The following TLE3 variants were observed in gnomAD, a reference collection of about 807,000 sequenced individuals.
TLE3 encodes the protein TLE family member 3, transcriptional corepressor.
Under a neutral mutation model 93.0 loss-of-function variants are expected in TLE3, and 14 were observed. The observed-to-expected ratio is 0.15, with a 90% CI of 0.10 to 0.24. The LOEUF is 0.24. Among genes scored for constraint, TLE3 ranks in the 10% least tolerant of loss-of-function variants. The pLI is 1.00. For synonymous variants in TLE3, 451 were observed against 425.0 expected, an observed-to-expected ratio of 1.06 and a Z score of -0.75; for missense variants, 693 against 1,046.6, an observed-to-expected ratio of 0.66 and a Z score of 4.66.
At chr15:70,088,914 T>C (rs1596010368) in intron 4 of TLE3, among the ~76,000 whole-genome samples, 1 of 135,098 alleles carries the variant, frequency 7.4e-6, no homozygotes, top group East Asian at 2.6e-4. Context: ...GCAGATGGAC[T>C]CAGGCCAGCC....
chr15:70,092,108 T>C (rs2058338289), intron 4 of TLE3, among the ~76,000 whole-genome samples: 1 of 152,186 alleles, frequency 6.6e-6, no homozygotes, highest in Non-Finnish European at 1.5e-5. Context: ...TGTGTGCCGA[T>C]AAAACACCAG....
chr15:70,051,992 G>A (rs1348860961), intron 18 of TLE3, among the ~76,000 whole-genome samples: 1 of 152,218 alleles, frequency 6.6e-6, no homozygotes, highest in African/African-American at 2.4e-5. Context: ...AGGGTGAGAT[G>A]TTCAAGACTG....
chr15:70,051,792 A>G (rs1258729958), intron 18 of TLE3, among the ~76,000 whole-genome samples: 1 of 152,220 alleles, frequency 6.6e-6, no homozygotes, highest in Non-Finnish European at 1.5e-5. Flanking sequence ...CTGGAAGGCA[A>G]CAGGAAATAC....
At position 70,058,864 on chromosome 15, in the gene TLE3, C is replaced by T. The variant is rs532589010; in HGVS notation, c.766-49G>A. 2.9e-5 allele frequency: 43 copies of T among 1,495,938 alleles called. No individual in the cohort carries two copies. In the East Asian group the frequency reaches 9.5e-4, roughly 33 times the overall value. The allele number at this position is 1,495,938 out of a possible 1,614,324, so 92.7% of individuals were successfully genotyped here. A position where few individuals can be genotyped will look rare whatever the true frequency, so the allele number is the denominator to read the frequency against. On this transcript the variant is annotated intron_variant, in intron 10 of 19. Transcript: ENST00000451782. This position sits in a 1 kb window ranked among gnomAD's most constrained non-coding sequence, Gnocchi z 4.1. ...ATGCACTGAAAGCAACAGCCAGCCT[C>T]GAGGCTTCCCTGCTCTGGGAGTGGG...
chr15:70,051,232 T>C, intron 19 of TLE3, 159 bp downstream of exon 19: 1 of 631,160 alleles, frequency 1.6e-6, no homozygotes, highest in Admixed American at 3.3e-5. Context: ...AACCCAATCT[T>C]GCTCCCCTAT....
At chr15:70,064,401 A>AC in intron 8 of TLE3, 53 bp downstream of exon 8, 4 of 1,609,652 alleles carry the variant, frequency 2.5e-6, no homozygotes, top group Non-Finnish European at 2.5e-6. Context: ...CCCGAGTCCC[A>AC]CCTCCTCCCA....
rs568272137 is a variant in TLE3 at position 70,095,744 on chromosome 15, C to A, written c.126-103G>T. 2.9e-6 allele frequency: 4 copies of A among 1,397,800 alleles called. No homozygotes were observed. The South Asian group carries it at 4.2e-5, about 15-fold the overall frequency. 86.6% of individuals were successfully genotyped at this position (1,397,800 alleles called of 1,614,324 possible). A position where few individuals can be genotyped will look rare whatever the true frequency, so the allele number is the denominator to read the frequency against. ...AGCCACTTTTCCACTTTCCTGACACCCCCCCGGGGGCGCCCCCATTATCCC... is the reference window on the plus strand; with the variant it reads ...AGCCACTTTTCCACTTTCCTGACACACCCCCGGGGGCGCCCCCATTATCCC... On this transcript the variant is annotated intron_variant, in intron 2 of 19. Coordinates refer to ENST00000451782, the MANE Select transcript of TLE3 (RefSeq NM_001105192.3).
At chr15:70,056,098 G>A (rs2055996038) in intron 14 of TLE3, 200 bp downstream of exon 14, 2 of 650,866 alleles carry the variant, frequency 3.1e-6, no homozygotes, top group South Asian at 3.5e-5. Context: ...TTCTGTGGGT[G>A]CTCAGAAGTG....
In TLE3 at chr15:70,049,867, G is replaced by C. The variant is rs949134605; in HGVS notation, c.*230C>G. ...GTAGCAACTGCCAGCATTGTTCAGG[G>C]GGAGGAGGAGGAGCAGAACCCTTCC... On this transcript the variant is annotated 3_prime_UTR_variant, in exon 20 of 20. Coordinates refer to ENST00000451782, the MANE Select transcript of TLE3 (RefSeq NM_001105192.3). 1 of 479,238 alleles carries C rather than the reference G, an allele frequency of 2.1e-6. No individual in the cohort carries two copies. The highest frequency in any genetic ancestry group is 1.9e-5 in the African/African-American group (1 of 51,674). The allele number at this position is 479,238 out of a possible 1,614,324, so 29.7% of individuals were successfully genotyped here.
intron 17 of TLE3, 139 bp from the exon 18 acceptor site, chr15:70,052,663 G>A (rs1274296290): frequency 1.1e-6 from 1 of 898,682 alleles, no homozygotes; most frequent in Admixed American, 3.2e-5. Flanking sequence ...GAGTATGGGA[G>A]GTCATTTTCC....
chr15:70,058,478 G>T lies in TLE3; in HGVS notation c.918+185C>A. On this transcript the variant is annotated intron_variant, in intron 11 of 19. Transcript: ENST00000451782. The surrounding 1 kb of genome is among the most constrained non-coding windows in gnomAD (Gnocchi z 4.1). ...CTGGGGTGATCACTCCCATTTTACA[G>T]ACGTAGCAACCGAGGCTCAGAAACG... The T allele has an allele frequency of 7.8e-7, 1 of 1,288,834 alleles. No homozygotes were observed. The highest frequency in any genetic ancestry group is 1.1e-6 in the Non-Finnish European group (1 of 947,206). The allele number at this position is 1,288,834 out of a possible 1,614,324, so 79.8% of individuals were successfully genotyped here.
Position 70,053,286 on chromosome 15 carries a change from C to T in TLE3, c.1915G>A (p.Val639Met), listed in dbSNP as rs750892304. The T allele has an allele frequency of 3.1e-6, 5 of 1,609,300 alleles. No homozygotes were observed. The South Asian group carries it at 5.6e-5, about 18-fold the overall frequency. Reference sequence around the variant, plus strand: ...CCCTCCCGCAGGTCCCAGGAGCGCACCGTGTTGTCCAGGCCCCCTGTCCAC... The same window carrying T: ...CCCTCCCGCAGGTCCCAGGAGCGCATCGTGTTGTCCAGGCCCCCTGTCCAC... ...KLWTGGLDNTVRSWDLREGRQ... is the reference protein window; with the variant it reads ...KLWTGGLDNTMRSWDLREGRQ... The change falls in exon 17 of 20, where the codon GTG (valine) becomes ATG (methionine). Residue 639 changes from valine (V) to methionine (M), a missense_variant. Coordinates refer to ENST00000451782, the MANE Select transcript of TLE3 (RefSeq NM_001105192.3).
At chr15:70,088,675 G>A (rs1161674006) in intron 4 of TLE3, among the ~76,000 whole-genome samples, 1 of 152,046 alleles carries the variant, frequency 6.6e-6, no homozygotes, top group Admixed American at 6.5e-5. Context: ...AAGCTATTTT[G>A]CTGGCTGCTA....
At chr15:70,052,283 T>C (rs2055619358) in intron 18 of TLE3, 91 bp downstream of exon 18, 4 of 1,522,052 alleles carry the variant, frequency 2.6e-6, no homozygotes, top group Non-Finnish European at 3.6e-6. Flanking sequence ...GCTTATTCTA[T>C]AAGCTTTGGG....
In TLE3 at chr15:70,097,602, C is replaced by A. The variant is rs1337520971; in HGVS notation, c.-804G>T. The A allele has an allele frequency of 2.8e-5, 11 of 398,528 alleles. No individual in the cohort carries two copies. The East Asian group carries it at 3.9e-4, about 14-fold the overall frequency. 24.7% of individuals were successfully genotyped at this position (398,528 alleles called of 1,614,324 possible). A position where few individuals can be genotyped will look rare whatever the true frequency, so the allele number is the denominator to read the frequency against. On this transcript the variant is annotated 5_prime_UTR_variant, in exon 1 of 20. Coordinates refer to ENST00000451782, the MANE Select transcript of TLE3 (RefSeq NM_001105192.3). ...GTTCTCGCTGCTCCCAGCTTGAGCACCGCGTCCCCACCGAGGAGCGCTCAG... is the reference window on the plus strand; with the variant it reads ...GTTCTCGCTGCTCCCAGCTTGAGCAACGCGTCCCCACCGAGGAGCGCTCAG...
chr15:70,058,731 G>A lies in TLE3; in HGVS notation c.850C>T (p.Pro284Ser), dbSNP rs1369316570. ...DKARSLKKDA[P>S]TSPASVASSS... ...GAGGCCACCGAGGCAGGGCTGGTGG[G>A]GGCATCTTTTTTCAGGCTACGGGCC... Residue 284 changes from proline (P) to serine (S), a missense_variant, in exon 11 of 20, where the codon CCC becomes TCC. By Grantham distance (74) the Pro-to-Ser change is moderately conservative. This residue lies in a region of TLE3 where 405 missense variants were observed against 468.9 expected (regional missense o/e 0.86). Transcript: ENST00000451782. The surrounding 1 kb of genome is among the most constrained non-coding windows in gnomAD (Gnocchi z 4.1). 1.9e-6 allele frequency: 3 copies of A among 1,610,566 alleles called. No homozygotes were observed. In the African/African-American group the frequency reaches 4.0e-5, roughly 22 times the overall value.
intron 6 of TLE3, among the ~76,000 whole-genome samples, chr15:70,070,309 G>T (rs3825969): frequency 1.3e-5 from 2 of 152,234 alleles, no homozygotes; most frequent in African/African-American, 4.8e-5. Context: ...GATCTTGCTT[G>T]CAGAGTACGT....
At chr15:70,071,920 C>A (rs991267328) in intron 6 of TLE3, among the ~76,000 whole-genome samples, 1 of 152,216 alleles carries the variant, frequency 6.6e-6, no homozygotes, top group African/African-American at 2.4e-5. Flanking sequence ...TCTCTGCTCT[C>A]CTCGAGGAGG....
rs60095288 is a variant in TLE3 at position 70,053,737 on chromosome 15, T to C, written c.1827-363A>G. The C allele has an allele frequency of 4.5e-3, 838 of 185,278 alleles. 6 individuals carry two copies. Among genetic ancestry groups the C allele is most frequent in the African/African-American group, 0.019 (806 of 42,954 alleles). The allele number at this position is 185,278 out of a possible 1,614,324, so 11.5% of individuals were successfully genotyped here. A position where few individuals can be genotyped will look rare whatever the true frequency, so the allele number is the denominator to read the frequency against. ...GCAGGAAGGCCCTGGGGAAGCTACG[T>C]GTGAGATGACTGATAAAGAGAATGC... On this transcript the variant is annotated intron_variant, in intron 16 of 19. Transcript: ENST00000451782.
Sources: allele counts gnomAD v4.1 joint callset (sites outside exome capture counted in the v4.1 genomes callset), GRCh38; gene constraint gnomAD v4.1.1; regional missense constraint gnomAD v4.1.1; non-coding constraint Gnocchi (gnomAD v3.1); transcripts MANE v1.5; gene names NCBI Gene and HGNC (gene_info 2026-07-23, HGNC 2026-07-21).